The following ACTL8 variants were observed in gnomAD, a reference collection of about 807,000 sequenced individuals.
ACTL8 encodes actin-like protein 8.
ACTL8 carries 3 observed loss-of-function variants against 9.3 expected under a neutral mutation model. The observed-to-expected ratio is 0.32, with a 90% confidence interval of 0.15 to 0.83. The LOEUF is 0.83. Among genes scored for constraint, ACTL8 ranks in the 40% least tolerant of loss-of-function variants. ACTL8 has a pLI of 0.57. For synonymous variants in ACTL8, 224 were observed against 205.9 expected, an observed-to-expected ratio of 1.09 and a Z score of -0.75; for missense variants, 381 against 492.2, an observed-to-expected ratio of 0.77 and a Z score of 2.14.
Position 17,825,887 on chromosome 1 carries a change from G to A in ACTL8, c.469G>A (p.Val157Met), listed in dbSNP as rs372742900. 28 of 1,613,560 alleles carry A rather than the reference G, an allele frequency of 1.7e-5. No homozygotes were observed. The highest frequency in any genetic ancestry group is 5.5e-5 in the South Asian group (5 of 91,090). ...VVDSGYGLTR[V>M]QPFHQGRPLP... is the part of the protein sequence containing the mutation. The stretch of plus-strand genomic sequence containing the variant: ...TGATTCTGGCTATGGCCTGACCCGC[G>A]TGCAGCCTTTCCACCAGGGCCGCCC... Residue 157 changes from valine to methionine, a missense_variant, in exon 3 of 3, where the codon GTG becomes ATG. Val to Met is a conservative substitution (Grantham distance 21). Around this residue, in one of 3 missense-constraint regions of ACTL8, gnomAD observed 13 missense variants for 35.4 expected, o/e 0.37. Coordinates refer to ENST00000375406, the MANE Select transcript of ACTL8 (RefSeq NM_030812.3).
chr1:17,779,951 A>C (rs1467274493), intron 1 of ACTL8, among the ~76,000 whole-genome samples: 1 of 152,180 alleles, frequency 6.6e-6, no homozygotes, highest in Non-Finnish European at 1.5e-5. Context: ...TCATACATGT[A>C]ATCCCAGAGT....
intron 1 of ACTL8, among the ~76,000 whole-genome samples, chr1:17,808,815 G>A (rs765185309): frequency 2.2e-4 from 34 of 152,194 alleles, no homozygotes; most frequent in African/African-American, 1.9e-4. Context: ...TTTAGGCAGA[G>A]AGGAGATGTA....
chr1:17,789,461 A>C (rs1350760364), intron 1 of ACTL8, among the ~76,000 whole-genome samples: 1 of 151,258 alleles, frequency 6.6e-6, no homozygotes, highest in African/African-American at 2.4e-5. Context: ...TTGCCTATTT[A>C]CCTTTTTCCT....
At chr1:17,803,003 A>G (rs2066334325) in intron 1 of ACTL8, among the ~76,000 whole-genome samples, 1 of 152,110 alleles carries the variant, frequency 6.6e-6, no homozygotes, top group African/African-American at 2.4e-5. Context: ...ATAAAATAAC[A>G]AACAGTGATA....
intron 1 of ACTL8, among the ~76,000 whole-genome samples, chr1:17,816,672 C>T (rs770614900): frequency 1.3e-5 from 2 of 152,118 alleles, no homozygotes; most frequent in South Asian, 2.1e-4. Context: ...GTGGTGATTC[C>T]GCTGTGAGTT....
intron 1 of ACTL8, among the ~76,000 whole-genome samples, chr1:17,771,268 T>C (rs1363482476): frequency 2.0e-5 from 3 of 152,204 alleles, no homozygotes; most frequent in Non-Finnish European, 4.4e-5. Flanking sequence ...TCAGATACTT[T>C]TCATGTGTCA....
intron 2 of ACTL8, among the ~76,000 whole-genome samples, chr1:17,824,381 A>G (rs142027729): frequency 2.6e-5 from 4 of 152,326 alleles, no homozygotes; most frequent in East Asian, 1.9e-4. Flanking sequence ...CCCTATTATT[A>G]TTTTTTAAAT....
intron 1 of ACTL8, among the ~76,000 whole-genome samples, chr1:17,776,364 G>C (rs747123336): frequency 6.6e-6 from 1 of 152,126 alleles, no homozygotes; most frequent in South Asian, 2.1e-4. Context: ...TTGGTTGCTC[G>C]GTGCCTGGAG....
intron 1 of ACTL8, among the ~76,000 whole-genome samples, chr1:17,775,063 C>T (rs1440558979): frequency 6.6e-6 from 1 of 152,172 alleles, no homozygotes; most frequent in Admixed American, 6.5e-5. Flanking sequence ...TAGGAGGACA[C>T]CCCTGCTGGC....
chr1:17,777,570 A>G (rs1283764827), intron 1 of ACTL8, among the ~76,000 whole-genome samples: 2 of 152,170 alleles, frequency 1.3e-5, no homozygotes, highest in African/African-American at 4.8e-5. Flanking sequence ...TTACCAGAGT[A>G]TGGTGTGGAG....
chr1:17,813,914 T>C (rs1305629654), intron 1 of ACTL8, among the ~76,000 whole-genome samples: 2 of 152,242 alleles, frequency 1.3e-5, no homozygotes, highest in Non-Finnish European at 2.9e-5. Context: ...TTATTCCTAA[T>C]ATTCTCTTGT....
intron 1 of ACTL8, among the ~76,000 whole-genome samples, chr1:17,756,097 C>A (rs543585408): frequency 1.8e-4 from 27 of 150,926 alleles, no homozygotes; most frequent in Middle Eastern, 3.7e-3. Flanking sequence ...TTTCAGCCTT[C>A]GGAGGGGACT....
At chr1:17,788,088 G>A (rs573529839) in intron 1 of ACTL8, among the ~76,000 whole-genome samples, 1 of 152,260 alleles carries the variant, frequency 6.6e-6, no homozygotes, top group East Asian at 1.9e-4. Flanking sequence ...TCCCCGTTGG[G>A]TCCTCTGCCC....
intron 1 of ACTL8, among the ~76,000 whole-genome samples, chr1:17,799,002 G>A (rs1409258649): frequency 6.6e-6 from 1 of 152,234 alleles, no homozygotes; most frequent in Non-Finnish European, 1.5e-5. Context: ...CTCCACGGAT[G>A]CATTCCTGGC....
At chr1:17,798,216 G>A (rs1346229145) in intron 1 of ACTL8, among the ~76,000 whole-genome samples, 13 of 139,924 alleles carry the variant, frequency 9.3e-5, no homozygotes, top group Non-Finnish European at 3.1e-5. Flanking sequence ...TGCAGTGGGA[G>A]TGCTGCAGGG....
chr1:17,773,262 A>G (rs1048205384), intron 1 of ACTL8, among the ~76,000 whole-genome samples: 3 of 152,100 alleles, frequency 2.0e-5, no homozygotes, highest in African/African-American at 7.2e-5. Context: ...AAGTCTAGAG[A>G]GCACCAGGCT....
At chr1:17,819,344 G>A (rs1006617573) in intron 1 of ACTL8, among the ~76,000 whole-genome samples, 2 of 152,128 alleles carry the variant, frequency 1.3e-5, no homozygotes, top group African/African-American at 2.4e-5. Flanking sequence ...CAGGAGGCCC[G>A]GTCACCACAG....
chr1:17,804,973 G>A (rs976266602), intron 1 of ACTL8, among the ~76,000 whole-genome samples: 1 of 152,082 alleles, frequency 6.6e-6, no homozygotes, highest in African/African-American at 2.4e-5. Flanking sequence ...ACTTGGGACA[G>A]ACGGGACCCA....
intron 1 of ACTL8, among the ~76,000 whole-genome samples, chr1:17,821,488 A>G (rs994912727): frequency 3.9e-5 from 6 of 152,162 alleles, no homozygotes; most frequent in African/African-American, 1.4e-4. Context: ...TGGACATCCA[A>G]TTGTTCTTTG....
Sources: allele counts gnomAD v4.1 joint callset (sites outside exome capture counted in the v4.1 genomes callset), GRCh38; gene constraint gnomAD v4.1.1; regional missense constraint gnomAD v4.1.1; transcripts MANE v1.5; gene names NCBI Gene and HGNC (gene_info 2026-07-23, HGNC 2026-07-21).